SLC22A23: variants seen among roughly 807,000 people sequenced by gnomAD.
SLC22A23 encodes the protein ion transporter protein.
SLC22A23 carries 26 observed loss-of-function variants against 61.0 expected under a neutral mutation model. The observed-to-expected ratio is 0.43, with a 90% CI of 0.31 to 0.59. SLC22A23 has a LOEUF of 0.59. Ranked by LOEUF, SLC22A23 falls within the 20% of genes least tolerant of loss-of-function variation. The probability of loss-of-function intolerance (pLI) is 0.11; values close to 1 mark genes in which losing one functional copy is unlikely to be tolerated. For missense variants in SLC22A23, 796 were observed against 934.7 expected, an observed-to-expected ratio of 0.85 and a Z score of 1.94; for synonymous variants, 430 against 413.9, an observed-to-expected ratio of 1.04 and a Z score of -0.47.
At chr6:3,289,664 A>C (rs968227097) in intron 6 of SLC22A23, 100 bp downstream of exon 6, 4 of 935,572 alleles carry the variant, frequency 4.3e-6, no homozygotes, top group South Asian at 1.6e-5. Context: ...TTAGGATTCC[A>C]AGTTCAGCGG....
At position 3,304,975 on chromosome 6, in the gene SLC22A23, GAAGTA is replaced by G. The variant is rs1165376367; in HGVS notation, c.1083-6762_1083-6758del. Among the ~76,000 whole-genome samples, 1 of 152,072 alleles carries G rather than the reference GAAGTA, an allele frequency of 6.6e-6. No individual in the cohort carries two copies. Among genetic ancestry groups the G allele is most frequent in the African/African-American group, 2.4e-5 (1 of 41,396 alleles). On this transcript the variant is annotated intron_variant, in intron 4 of 9. Transcript: ENST00000406686. The surrounding 1 kb of genome is among the most constrained non-coding windows in gnomAD (Gnocchi z 4.3). ...AGCAGCCACGGGACTGGAGTGAACT[GAAGTA>G]AAGACAGCACTCCCCAGGAGATCTG... is the stretch of plus-strand genomic sequence containing the variant.
intron 3 of SLC22A23, among the ~76,000 whole-genome samples, chr6:3,338,872 C>T (rs7747259): frequency 0.24 from 37,060 of 152,112 alleles, 5,884 homozygotes; most frequent in African/African-American, 0.45. Flanking sequence ...ACATTAGCTC[C>T]TTCTAGTCTA....
rs1763410387 is a variant in SLC22A23 at position 3,328,635 on chromosome 6, GGAA to G, written c.914-4636_914-4634del. ...CATAGGGCCGAGGCTTCCTTGAGGAGGAAGAAGATTCCACCTGTGGACGGCAGT... is the reference window on the plus strand; with the variant it reads ...CATAGGGCCGAGGCTTCCTTGAGGAGGAAGATTCCACCTGTGGACGGCAGT... On this transcript the variant is annotated intron_variant, in intron 3 of 9. Coordinates refer to ENST00000406686, the MANE Select transcript of SLC22A23 (RefSeq NM_015482.2). This position sits in a 1 kb window ranked among gnomAD's most constrained non-coding sequence, Gnocchi z 5.0. 6.6e-6 allele frequency among the ~76,000 whole-genome samples: 1 copy of G among 152,146 alleles called. No individual in the cohort carries two copies. The highest frequency in any genetic ancestry group is 6.5e-5 in the Admixed American group (1 of 15,270).
chr6:3,401,703 G>T (rs770872317), intron 3 of SLC22A23, among the ~76,000 whole-genome samples: 3 of 152,134 alleles, frequency 2.0e-5, no homozygotes, highest in Non-Finnish European at 4.4e-5. Context: ...TGACCACACA[G>T]TCGGTTCCTC....
chr6:3,292,653 T>A (rs1760711087), intron 5 of SLC22A23, among the ~76,000 whole-genome samples: 1 of 152,220 alleles, frequency 6.6e-6, no homozygotes, highest in Admixed American at 6.5e-5. Context: ...GATCCCCGTG[T>A]GGTCGGGGCT....
intron 1 of SLC22A23, among the ~76,000 whole-genome samples, chr6:3,423,930 G>C (rs1472952249): frequency 6.6e-6 from 1 of 152,132 alleles, no homozygotes; most frequent in Non-Finnish European, 1.5e-5. Context: ...TAACGACCCA[G>C]GTGATCCATC....
At position 3,304,622 on chromosome 6, in the gene SLC22A23, G is replaced by T. The variant is rs181987093; in HGVS notation, c.1083-6404C>A. Among the ~76,000 whole-genome samples, 64 of 150,946 alleles carry T rather than the reference G, an allele frequency of 4.2e-4. No homozygotes were observed. The East Asian group carries it at 0.011, about 26-fold the overall frequency. On this transcript the variant is annotated intron_variant, in intron 4 of 9. Transcript: ENST00000406686. The surrounding 1 kb of genome is among the most constrained non-coding windows in gnomAD (Gnocchi z 4.3). ...CACTGAGCGAGTTGGATAGAAGCCCGCATGGCGTGGGTTGTAGTGGGGGCA... is the reference window on the plus strand; with the variant it reads ...CACTGAGCGAGTTGGATAGAAGCCCTCATGGCGTGGGTTGTAGTGGGGGCA...
chr6:3,293,896 G>A (rs965767853), intron 5 of SLC22A23, among the ~76,000 whole-genome samples: 4 of 152,164 alleles, frequency 2.6e-5, no homozygotes, highest in African/African-American at 7.2e-5. Context: ...AGATGGGGGC[G>A]CTCGGATCAC....
chr6:3,298,047 C>T (rs770349416), intron 5 of SLC22A23, 44 bp downstream of exon 5: 2 of 1,458,510 alleles, frequency 1.4e-6, no homozygotes, highest in East Asian at 5.4e-5. Flanking sequence ...AGGGACCTGC[C>T]CCGTGGAGCC....
chr6:3,434,344 G>A (rs989154205), intron 1 of SLC22A23, among the ~76,000 whole-genome samples: 4 of 150,768 alleles, frequency 2.7e-5, no homozygotes, highest in Non-Finnish European at 4.4e-5. Flanking sequence ...AGCTGGGTGC[G>A]GTGGCTTATG....
intron 3 of SLC22A23, among the ~76,000 whole-genome samples, chr6:3,361,158 G>A (rs1005706716): frequency 6.6e-6 from 1 of 150,442 alleles, no homozygotes; most frequent in Admixed American, 6.7e-5. Context: ...AAAGGAGCCT[G>A]CAGCAGTGTC....
At position 3,365,912 on chromosome 6, in the gene SLC22A23, G is replaced by A. The variant is rs1028295455; in HGVS notation, c.914-41910C>T. Among the ~76,000 whole-genome samples, 26 of 152,186 alleles carry A rather than the reference G, an allele frequency of 1.7e-4. 1 individual carries two copies. The highest frequency in any genetic ancestry group is 4.8e-4 in the African/African-American group (20 of 41,434). On this transcript the variant is annotated intron_variant, in intron 3 of 9. Coordinates refer to ENST00000406686, the MANE Select transcript of SLC22A23 (RefSeq NM_015482.2). ...CCAAAGACTTGTTAGTTTCTTGTCT[G>A]TTCTTCACTTAATTTCTCTCTGGCT...
intron 4 of SLC22A23, among the ~76,000 whole-genome samples, chr6:3,302,374 A>G (rs1451899793): frequency 3.3e-5 from 5 of 152,182 alleles, no homozygotes; most frequent in African/African-American, 9.6e-5. Context: ...TCTTTTCAAA[A>G]AACCAACTTT....
chr6:3,351,365 G>C (rs1046996320), intron 3 of SLC22A23, among the ~76,000 whole-genome samples: 1 of 152,164 alleles, frequency 6.6e-6, no homozygotes, highest in Non-Finnish European at 1.5e-5. Flanking sequence ...AGGGGCGAAG[G>C]AAAAGGGTTG....
At chr6:3,433,289 C>A (rs1770989337) in intron 1 of SLC22A23, among the ~76,000 whole-genome samples, 1 of 152,102 alleles carries the variant, frequency 6.6e-6, no homozygotes, top group Non-Finnish European at 1.5e-5. Context: ...TTCTCCCTGC[C>A]CAAATGGTAC....
intron 1 of SLC22A23, among the ~76,000 whole-genome samples, chr6:3,430,070 A>C (rs1241823044): frequency 6.6e-5 from 10 of 152,190 alleles, no homozygotes; most frequent in Admixed American, 5.2e-4. Context: ...CGCACACACA[A>C]AAAAAAGTTT....
At position 3,386,669 on chromosome 6, in the gene SLC22A23, A is replaced by G. The variant is rs1369388854; in HGVS notation, c.913+23519T>C. Reference sequence around the variant, plus strand: ...CAGGGCCAACCCTCTTGCTCTACAGATGAAAAGAGTGAATCCAGGACTGCC... The same window carrying G: ...CAGGGCCAACCCTCTTGCTCTACAGGTGAAAAGAGTGAATCCAGGACTGCC... On this transcript the variant is annotated intron_variant, in intron 3 of 9. Transcript: ENST00000406686. The surrounding 1 kb of genome is among the most constrained non-coding windows in gnomAD (Gnocchi z 4.4). 6.6e-6 allele frequency among the ~76,000 whole-genome samples: 1 copy of G among 152,164 alleles called. No individual in the cohort carries two copies. Among genetic ancestry groups the G allele is most frequent in the Non-Finnish European group, 1.5e-5 (1 of 68,026 alleles).
At chr6:3,296,776 T>G (rs1378832723) in intron 5 of SLC22A23, among the ~76,000 whole-genome samples, 1 of 152,084 alleles carries the variant, frequency 6.6e-6, no homozygotes, top group Non-Finnish European at 1.5e-5. Context: ...CTGCACAAGT[T>G]GAGGCAGAGG....
At chr6:3,296,477 T>C (rs964101370) in intron 5 of SLC22A23, among the ~76,000 whole-genome samples, 3 of 152,128 alleles carry the variant, frequency 2.0e-5, no homozygotes, top group African/African-American at 7.2e-5. Context: ...CATGGAGAAA[T>C]AATACACGTG....
Sources: gnomAD v4.1 joint callset for allele counts (sites outside exome capture counted in the v4.1 genomes callset) on GRCh38, gnomAD v4.1.1 for gene constraint, Gnocchi (gnomAD v3.1) non-coding constraint, MANE v1.5 for transcripts, NCBI Gene and HGNC (gene_info 2026-07-23, HGNC 2026-07-21) for gene names.